PNPLA5: variants seen among roughly 807,000 people sequenced by gnomAD.
The protein encoded by PNPLA5 is patatin like domain 5, triacylglycerol lipase, also known as patatin-like phospholipase domain-containing protein 5.
A neutral mutation model predicts 49.1 loss-of-function variants in PNPLA5; 44 were observed. The observed-to-expected ratio is 0.90, with a 90% CI of 0.70 to 1.15. The LOEUF (loss-of-function observed/expected upper bound fraction) is 1.15. PNPLA5 is among the 50% of genes most tolerant of loss of function. PNPLA5 has a pLI of 0.00. For missense variants in PNPLA5, 603 were observed against 564.0 expected (o/e 1.07, Z -0.70); for synonymous variants, 243 against 244.4 (o/e 0.99, Z 0.06).
rs142176791 is a variant in PNPLA5 at position 43,887,778 on chromosome 22, C to A, written c.703-127G>T. 2.7e-4 allele frequency: 404 copies of A among 1,513,996 alleles called. 3 individuals carry two copies. In the East Asian group the frequency reaches 8.6e-3, roughly 32 times the overall value. The allele number at this position is 1,513,996 out of a possible 1,614,324, so 93.8% of individuals were successfully genotyped here. On this transcript the variant is annotated intron_variant, in intron 4 of 8. Coordinates refer to ENST00000216177, the MANE Select transcript of PNPLA5 (RefSeq NM_138814.4). ...GCCCAGCCTATTCTCCCCAAGTGAC[C>A]ATTCAACAGGGCTCAGGGCAGGAGC... is the stretch of plus-strand genomic sequence containing the variant.
chr22:43,888,371 A>AGT (rs35343347), intron 4 of PNPLA5, among the ~76,000 whole-genome samples: 36,535 of 111,998 alleles, frequency 0.33, 5,870 homozygotes, highest in Non-Finnish European at 0.36. Flanking sequence ...GGGGCAGAGG[A>AGT]GTGTGTGTGT....
intron 8 of PNPLA5, 33 bp downstream of exon 8, chr22:43,881,525 C>A (rs1452500334): frequency 3.9e-6 from 6 of 1,543,284 alleles, no homozygotes; most frequent in Admixed American, 4.0e-5. Flanking sequence ...GCACAGCCAC[C>A]CCCTCTCCAT....
intron 6 of PNPLA5, among the ~76,000 whole-genome samples, chr22:43,885,291 A>G (rs2049651651): frequency 1.3e-5 from 2 of 152,064 alleles, no homozygotes; most frequent in Non-Finnish European, 2.9e-5. Flanking sequence ...CGGCATGGAA[A>G]GGGGCCCCCT....
At chr22:43,890,998 A>G in intron 2 of PNPLA5, 64 bp downstream of exon 2, 1 of 1,553,792 alleles carries the variant, frequency 6.4e-7, no homozygotes, top group Non-Finnish European at 8.7e-7. Context: ...AAGTACCTGG[A>G]TGTCACTCTG....
chr22:43,886,672 G>T, intron 5 of PNPLA5, 184 bp from the exon 6 acceptor site: 1 of 934,868 alleles, frequency 1.1e-6, no homozygotes, highest in Non-Finnish European at 1.3e-6. Flanking sequence ...CCTGCTCCCT[G>T]CCCACTTTCG....
rs1004079922 is a variant in PNPLA5 at position 43,891,885 on chromosome 22, G to C, written c.-5C>G. The stretch of plus-strand genomic sequence containing the variant: ...CTCCTCCTCTAAGAAGCCCATGGCG[G>C]GTGGACCGGGCGGGGTGATCGGGAC... On this transcript the variant is annotated 5_prime_UTR_variant, in exon 1 of 9. Coordinates refer to ENST00000216177, the MANE Select transcript of PNPLA5 (RefSeq NM_138814.4). 52 of 1,508,786 alleles carry C rather than the reference G, an allele frequency of 3.4e-5. No individual in the cohort carries two copies. Among genetic ancestry groups the C allele is most frequent in the Non-Finnish European group, 4.2e-5 (48 of 1,135,796 alleles). The allele number at this position is 1,508,786 out of a possible 1,614,324, so 93.5% of individuals were successfully genotyped here.
intron 4 of PNPLA5, 36 bp from the exon 5 acceptor site, chr22:43,887,687 G>T: frequency 6.3e-7 from 1 of 1,579,414 alleles, no homozygotes; most frequent in Non-Finnish European, 8.6e-7. Context: ...GATGGGCAAG[G>T]CCTGGACCTA....
rs1399069066 is a variant in PNPLA5, at chr22:43,889,459, C to A, written c.572G>T (p.Gly191Val). The change falls in exon 4 of 9, where the codon GGG (glycine) becomes GTG (valine). Residue 191 changes from glycine (G) to valine (V), a missense_variant. By Grantham distance (109) the Gly-to-Val change is moderately radical (BLOSUM62 -3). Coordinates refer to ENST00000216177, the MANE Select transcript of PNPLA5 (RefSeq NM_138814.4). Reference protein sequence around the residue: ...PSTITVSPFHGTVDICPQSTS... With the variant: ...PSTITVSPFHVTVDICPQSTS... ...GCTCTGGGGGCAGATGTCCACTGTC[C>A]CATGGAAGGGCGACACCGTGATGGT... The A allele has an allele frequency of 6.2e-7, 1 of 1,613,756 alleles. No homozygotes were observed. The highest frequency in any genetic ancestry group is 8.5e-7 in the Non-Finnish European group (1 of 1,179,918).
rs551699547 is a variant in PNPLA5 at position 43,880,115 on chromosome 22, C to G, written c.*680G>C. On this transcript the variant is annotated 3_prime_UTR_variant, in exon 9 of 9. Transcript: ENST00000216177. ...GGTGTCCCTGGCATCCTCTCTGCCC[C>G]AGGTACAGGCACAGCTACGTCACAA... is the stretch of plus-strand genomic sequence containing the variant. 5.4e-4 allele frequency: 144 copies of G among 268,646 alleles called. No homozygotes were observed. The highest frequency in any genetic ancestry group is 1.1e-4 in the Admixed American group (2 of 18,502). 16.6% of individuals were successfully genotyped at this position (268,646 alleles called of 1,614,324 possible).
chr22:43,883,787 G>A (rs1438479697), intron 7 of PNPLA5, among the ~76,000 whole-genome samples: 1 of 151,372 alleles, frequency 6.6e-6, no homozygotes, highest in Non-Finnish European at 1.5e-5. Context: ...CTCCAGCCTG[G>A]GCAATAGAGT....
intron 5 of PNPLA5, among the ~76,000 whole-genome samples, chr22:43,887,079 A>ACACG (rs2049672530): frequency 1.3e-5 from 2 of 151,638 alleles, no homozygotes; most frequent in Admixed American, 6.6e-5. Flanking sequence ...GAACACACAC[A>ACACG]CACACACACA....
In PNPLA5 at chr22:43,889,416, A is replaced by G; in HGVS notation, c.615T>C (p.His205=). The G allele has an allele frequency of 3.1e-6, 5 of 1,614,090 alleles. No individual in the cohort carries two copies. The highest frequency in any genetic ancestry group is 4.2e-6 in the Non-Finnish European group (5 of 1,180,022). The change falls in exon 4 of 9, where the codon CAT becomes CAC. Residue 205 remains histidine (H), a synonymous_variant. Transcript: ENST00000216177. The part of the protein sequence containing the change: ...ICPQSTSPNL[H]ELNVFNFSFQ... ...AGCTGAAGTTGAAGACGTTCAGCTC[A>G]TGCAGGTTGGGGGAGGTGCTCTGGG...
Position 43,891,258 on chromosome 22 carries a change from T to C in PNPLA5, c.230A>G (p.Gln77Arg). 1.3e-6 allele frequency: 2 copies of C among 1,554,850 alleles called. No homozygotes were observed. The highest frequency in any genetic ancestry group is 1.7e-6 in the Non-Finnish European group (2 of 1,149,336). Residue 77 changes from glutamine (Q) to arginine (R), a missense_variant, in exon 2 of 9, where the codon CAG becomes CGG. Physicochemically the swap from Gln to Arg is conservative, Grantham distance 43. Coordinates refer to ENST00000216177, the MANE Select transcript of PNPLA5 (RefSeq NM_138814.4). ...CCSHLLGMVG[Q>R]LERLSLSILH... Reference sequence around the variant, plus strand: ...GATGCTTAGGCTCAGCCGCTCCAACTGCCCAACCATGCCCAGGAGGTGGGA... The same window carrying C: ...GATGCTTAGGCTCAGCCGCTCCAACCGCCCAACCATGCCCAGGAGGTGGGA...
intron 6 of PNPLA5, 79 bp downstream of exon 6, chr22:43,886,224 C>G (rs2049662385): frequency 2.0e-6 from 3 of 1,481,156 alleles, no homozygotes; most frequent in Non-Finnish European, 2.7e-6. Context: ...ACCACGAGTG[C>G]CTTCAAGGCA....
chr22:43,887,045 T>A (rs2049671984), intron 5 of PNPLA5, among the ~76,000 whole-genome samples: 1 of 149,912 alleles, frequency 6.7e-6, no homozygotes, highest in African/African-American at 2.4e-5. Context: ...AGCCCAGACC[T>A]CTCTGGCACA....
chr22:43,884,486 A>C, intron 6 of PNPLA5, 141 bp from the exon 7 acceptor site: 68 of 1,164,190 alleles, frequency 5.8e-5, no homozygotes, highest in Non-Finnish European at 6.7e-5. Flanking sequence ...AGCCCCCACC[A>C]CAGGCCAGCA....
Position 43,891,300 on chromosome 22 carries a change from G to C in PNPLA5, c.194-6C>G. The C allele has an allele frequency of 6.4e-7, 1 of 1,552,066 alleles. No homozygotes were observed. Among genetic ancestry groups the C allele is most frequent in the Non-Finnish European group, 8.7e-7 (1 of 1,152,386 alleles). ...GAGGTGGGAGCAGCAGAAGTCTGCA[G>C]TGGGGGCAGGGAAAGGGAGACCTCA... On this transcript the variant is annotated splice_region_variant and splice_polypyrimidine_tract_variant and intron_variant, in intron 1 of 8. Coordinates refer to ENST00000216177, the MANE Select transcript of PNPLA5 (RefSeq NM_138814.4).
intron 8 of PNPLA5, 31 bp downstream of exon 8, chr22:43,881,527 C>G (rs375181878): frequency 6.5e-7 from 1 of 1,546,300 alleles, no homozygotes; most frequent in South Asian, 1.2e-5. Context: ...ACAGCCACCC[C>G]CTCTCCATCC....
intron 1 of PNPLA5, 123 bp from the exon 2 acceptor site, chr22:43,891,417 T>C (rs1437246210): frequency 2.2e-5 from 31 of 1,414,426 alleles, no homozygotes; most frequent in African/African-American, 2.9e-5. Context: ...TCAGAATTTC[T>C]GGGCTCGGCC....
Sources: allele counts gnomAD v4.1 joint callset (sites outside exome capture counted in the v4.1 genomes callset), GRCh38; gene constraint gnomAD v4.1.1; transcripts MANE v1.5; gene names NCBI Gene and HGNC (gene_info 2026-07-23, HGNC 2026-07-21).